Variants in GSG1L observed in about 807,000 individuals in gnomAD.
The protein encoded by GSG1L is germ cell-specific gene 1-like protein.
GSG1L carries 24 observed loss-of-function variants against 42.1 expected under a neutral mutation model. The ratio of observed to expected loss-of-function variants is 0.57; its 90% CI spans 0.41 to 0.80. The LOEUF is 0.80. Among genes scored for constraint, GSG1L ranks in the 30% least tolerant of loss-of-function variants. The probability of loss-of-function intolerance (pLI) is 0.00; values close to 1 mark genes in which losing one functional copy is unlikely to be tolerated. For synonymous variants in GSG1L, 215 were observed against 203.5 expected, an observed-to-expected ratio of 1.06 and a Z score of -0.48; for missense variants, 445 against 472.2, an observed-to-expected ratio of 0.94 and a Z score of 0.53.
At chr16:28,027,965 T>C (rs2085918523) in intron 1 of GSG1L, among the ~76,000 whole-genome samples, 1 of 152,184 alleles carries the variant, frequency 6.6e-6, no homozygotes, top group Non-Finnish European at 1.5e-5. Flanking sequence ...ATTGCGCCAC[T>C]GCACTCCAGC....
chr16:27,828,739 T>G (rs761128530), intron 5 of GSG1L, 50 bp downstream of exon 5: 3 of 1,567,078 alleles, frequency 1.9e-6, no homozygotes, highest in Non-Finnish European at 8.7e-7. Flanking sequence ...GGCCAGGCCG[T>G]GGGCTTTAGA....
At chr16:28,016,354 A>C (rs1168899164) in intron 1 of GSG1L, among the ~76,000 whole-genome samples, 1 of 152,208 alleles carries the variant, frequency 6.6e-6, no homozygotes, top group Non-Finnish European at 1.5e-5. Context: ...TCCTGGACCT[A>C]CATCTCTGAG....
At chr16:27,891,120 T>TC (rs1380283223) in intron 2 of GSG1L, among the ~76,000 whole-genome samples, 8 of 151,704 alleles carry the variant, frequency 5.3e-5, no homozygotes, top group Middle Eastern at 3.4e-3. Flanking sequence ...GAAGCAGCCG[T>TC]CCCCCCGTGC....
intron 4 of GSG1L, among the ~76,000 whole-genome samples, chr16:27,844,196 C>G (rs2083418012): frequency 6.6e-6 from 1 of 152,234 alleles, no homozygotes; most frequent in Admixed American, 6.5e-5. Context: ...AGCACCCTAG[C>G]TGATCCACCT....
intron 3 of GSG1L, among the ~76,000 whole-genome samples, chr16:27,883,877 G>A (rs1336832499): frequency 1.3e-5 from 2 of 152,200 alleles, no homozygotes; most frequent in African/African-American, 2.4e-5. Context: ...GTCCTATGAT[G>A]CAGTTGACTG....
intron 1 of GSG1L, among the ~76,000 whole-genome samples, chr16:27,994,558 A>G (rs1369449305): frequency 1.3e-5 from 2 of 152,224 alleles, no homozygotes; most frequent in Non-Finnish European, 2.9e-5. Flanking sequence ...TCACATGTGC[A>G]CACATGCACA....
At chr16:27,824,097 G>C (rs2083180406) in intron 5 of GSG1L, among the ~76,000 whole-genome samples, 1 of 152,194 alleles carries the variant, frequency 6.6e-6, no homozygotes, top group Non-Finnish European at 1.5e-5. Flanking sequence ...CCAAGCTCAT[G>C]CTTCACTCTG....
chr16:27,971,769 A>G (rs1053911406), intron 1 of GSG1L, among the ~76,000 whole-genome samples: 7 of 152,050 alleles, frequency 4.6e-5, no homozygotes, highest in Non-Finnish European at 1.0e-4. Flanking sequence ...ATTTGTTGTT[A>G]GCTGTGGGGT....
At chr16:27,943,938 C>T (rs1056488096) in intron 2 of GSG1L, among the ~76,000 whole-genome samples, 2 of 152,144 alleles carry the variant, frequency 1.3e-5, no homozygotes, top group Non-Finnish European at 2.9e-5. Context: ...CAGATGGTCT[C>T]AGCCATAGAC....
intron 2 of GSG1L, among the ~76,000 whole-genome samples, chr16:27,891,271 A>C (rs2084122373): frequency 6.6e-6 from 1 of 152,192 alleles, no homozygotes; most frequent in Non-Finnish European, 1.5e-5. Flanking sequence ...CAAAGAGTGA[A>C]AAAGTGATTC....
Position 27,857,228 on chromosome 16 carries a change from A to T in GSG1L, c.551-12167T>A, listed in dbSNP as rs574597507. Among the ~76,000 whole-genome samples, 4 of 152,248 alleles carry T rather than the reference A, an allele frequency of 2.6e-5. No individual in the cohort carries two copies. The East Asian group carries it at 7.7e-4, about 29-fold the overall frequency. On this transcript the variant is annotated intron_variant, in intron 3 of 6. Coordinates refer to ENST00000447459, the MANE Select transcript of GSG1L (RefSeq NM_001109763.2). ...GATTATTTGAGGCCAAGAGTTTGAG[A>T]TCACCCTGGGCAACATGGTGAAACC...
chr16:27,884,124 C>A lies in GSG1L; in HGVS notation c.550+362G>T, dbSNP rs1021202675. On this transcript the variant is annotated intron_variant, in intron 3 of 6. Transcript: ENST00000447459. The surrounding 1 kb of genome is among the most constrained non-coding windows in gnomAD (Gnocchi z 4.4). ...GGAAAGGCGGCACAGTCAGCCTATT[C>A]TGCACAACCGCCTCCCTTGCTGATA... 3.3e-5 allele frequency among the ~76,000 whole-genome samples: 5 copies of A among 152,200 alleles called. No homozygotes were observed. Among genetic ancestry groups the A allele is most frequent in the African/African-American group, 1.2e-4 (5 of 41,440 alleles).
intron 2 of GSG1L, among the ~76,000 whole-genome samples, chr16:27,944,054 G>A (rs2084835550): frequency 6.6e-6 from 1 of 152,174 alleles, no homozygotes; most frequent in Admixed American, 6.5e-5. Context: ...AAGCAAGGCA[G>A]TGATGACCCT....
chr16:28,020,319 G>A (rs993548481), intron 1 of GSG1L, among the ~76,000 whole-genome samples: 1 of 152,150 alleles, frequency 6.6e-6, no homozygotes, highest in African/African-American at 2.4e-5. Flanking sequence ...TATAAGGGGT[G>A]TCATTCCAGG....
intron 2 of GSG1L, among the ~76,000 whole-genome samples, chr16:27,922,657 C>G (rs2141064473): frequency 6.6e-6 from 1 of 152,296 alleles, no homozygotes; most frequent in Non-Finnish European, 1.5e-5. Context: ...ACATTTGCCC[C>G]AGGGTTAGAA....
At chr16:27,879,936 G>A (rs1223920040) in intron 3 of GSG1L, among the ~76,000 whole-genome samples, 1 of 149,586 alleles carries the variant, frequency 6.7e-6, no homozygotes, top group Non-Finnish European at 1.5e-5. Context: ...GCTGCAGAGG[G>A]CTGACTGTAA....
intron 2 of GSG1L, among the ~76,000 whole-genome samples, chr16:27,956,742 T>C (rs2085009255): frequency 2.0e-5 from 3 of 151,560 alleles, no homozygotes; most frequent in African/African-American, 7.3e-5. Context: ...CCAGCCTATA[T>C]CCTGGAACCA....
At chr16:27,954,951 T>G (rs769689002) in intron 2 of GSG1L, among the ~76,000 whole-genome samples, 4 of 152,330 alleles carry the variant, frequency 2.6e-5, no homozygotes, top group Non-Finnish European at 5.9e-5. Context: ...TGAGCCATCA[T>G]GCCTGGCCCA....
chr16:27,890,605 G>A (rs997194599), intron 2 of GSG1L, among the ~76,000 whole-genome samples: 3 of 152,224 alleles, frequency 2.0e-5, no homozygotes, highest in Non-Finnish European at 4.4e-5. Flanking sequence ...GGAGAGGGAG[G>A]AGGCCACACT....
Sources: allele counts gnomAD v4.1 joint callset (sites outside exome capture counted in the v4.1 genomes callset), GRCh38; gene constraint gnomAD v4.1.1; non-coding constraint Gnocchi (gnomAD v3.1); transcripts MANE v1.5; gene names NCBI Gene and HGNC (gene_info 2026-07-23, HGNC 2026-07-21).